ERC1: variants seen among roughly 807,000 people sequenced by gnomAD.
ERC1 encodes ELKS/RAB6-interacting/CAST family member 1.
Under a neutral mutation model 132.0 loss-of-function variants are expected in ERC1, and 56 were observed. The observed-to-expected ratio is 0.42, with a 90% CI of 0.34 to 0.53. ERC1 has a LOEUF of 0.53. Among genes scored for constraint, ERC1 ranks in the 20% least tolerant of loss-of-function variants. The pLI, the probability that ERC1 is intolerant of heterozygous loss-of-function variation, is 0.03. For missense variants in ERC1, 1,202 were observed against 1,349.9 expected, an observed-to-expected ratio of 0.89 and a Z score of 1.72; for synonymous variants, 478 against 476.1, an observed-to-expected ratio of 1.00 and a Z score of -0.05.
At chr12:1,264,518 G>T (rs2077354020) in intron 14 of ERC1, among the ~76,000 whole-genome samples, 1 of 152,048 alleles carries the variant, frequency 6.6e-6, no homozygotes, top group African/African-American at 2.4e-5. Flanking sequence ...CAAAAAATTA[G>T]CTGGGCGTGG....
intron 13 of ERC1, among the ~76,000 whole-genome samples, chr12:1,251,253 G>C (rs1042848428): frequency 6.6e-6 from 1 of 152,036 alleles, no homozygotes; most frequent in African/African-American, 2.4e-5. Context: ...GAAATAGTAT[G>C]TGATTTGTCA....
At chr12:1,104,077 T>C (rs765094246) in intron 3 of ERC1, among the ~76,000 whole-genome samples, 34 of 151,406 alleles carry the variant, frequency 2.2e-4, no homozygotes, top group Admixed American at 3.3e-4. Flanking sequence ...CCTGGAAGGC[T>C]CTGATATCCC....
chr12:1,204,742 T>C (rs995963370), intron 12 of ERC1, among the ~76,000 whole-genome samples: 1 of 152,088 alleles, frequency 6.6e-6, no homozygotes, highest in African/African-American at 2.4e-5. Context: ...TGGCCAGGTT[T>C]TGACTGAGAG....
At chr12:1,223,794 C>T (rs960801626) in intron 12 of ERC1, among the ~76,000 whole-genome samples, 3 of 152,092 alleles carry the variant, frequency 2.0e-5, no homozygotes, top group African/African-American at 7.2e-5. Flanking sequence ...CTAATTTGTC[C>T]TCTTCCTGCT....
intron 18 of ERC1, among the ~76,000 whole-genome samples, chr12:1,469,744 G>A (rs762102684): frequency 1.3e-4 from 20 of 152,170 alleles, no homozygotes; most frequent in Admixed American, 2.6e-4. Context: ...GCTTTAGGGG[G>A]CTGTGGGAAT....
intron 14 of ERC1, among the ~76,000 whole-genome samples, chr12:1,279,210 A>G (rs1008375127): frequency 6.6e-6 from 1 of 152,160 alleles, no homozygotes; most frequent in Admixed American, 6.5e-5. Context: ...TAACGACTGT[A>G]ACTTCCTCTA....
intron 17 of ERC1, among the ~76,000 whole-genome samples, chr12:1,409,122 G>A (rs933723100): frequency 6.6e-6 from 1 of 152,226 alleles, no homozygotes; most frequent in African/African-American, 2.4e-5. Context: ...GATGAAAGCA[G>A]CAATGGTATT....
intron 15 of ERC1, among the ~76,000 whole-genome samples, chr12:1,354,048 C>T (rs1269626872): frequency 6.6e-6 from 1 of 151,216 alleles, no homozygotes; most frequent in Non-Finnish European, 1.5e-5. Context: ...GCTGTGTGCC[C>T]CGCCTCTTAT....
At chr12:1,064,936 C>CATTA (rs1938797210) in intron 2 of ERC1, among the ~76,000 whole-genome samples, 1 of 152,212 alleles carries the variant, frequency 6.6e-6, no homozygotes, top group Non-Finnish European at 1.5e-5. Flanking sequence ...AATGGTGTCC[C>CATTA]ATATGCCATG....
intron 18 of ERC1, among the ~76,000 whole-genome samples, chr12:1,463,023 C>T (rs181041320): frequency 6.6e-6 from 1 of 152,286 alleles, no homozygotes; most frequent in African/African-American, 2.4e-5. Flanking sequence ...CTCTGTGGCT[C>T]ACTGAGCTTT....
chr12:1,217,597 A>T (rs1043777299), intron 12 of ERC1, among the ~76,000 whole-genome samples: 27 of 152,322 alleles, frequency 1.8e-4, no homozygotes, highest in African/African-American at 6.0e-4. Context: ...TGGAATGGTG[A>T]CACTGAAAGA....
chr12:1,240,294 A>G (rs1207667813), intron 13 of ERC1, among the ~76,000 whole-genome samples: 2 of 152,152 alleles, frequency 1.3e-5, no homozygotes, highest in African/African-American at 2.4e-5. Context: ...CCATTTTTTG[A>G]TAGTTTATTG....
rs1236898850 is a variant in ERC1, at chr12:1,001,947, G to A, written c.-157+10625G>A. Among the ~76,000 whole-genome samples, 7 of 140,444 alleles carry A rather than the reference G, an allele frequency of 5.0e-5. No individual in the cohort carries two copies. In the Admixed American group the frequency reaches 5.3e-4, roughly 11 times the overall value. 92.1% of individuals were successfully genotyped at this position (140,444 alleles called of 152,430 possible). ...GCAATCTCTGCTTACTGCAACCACC[G>A]TCTCCTGGGTTCAAGTGATTCTCCT... On this transcript the variant is annotated intron_variant, in intron 1 of 18. Coordinates refer to ENST00000360905, the MANE Select transcript of ERC1 (RefSeq NM_178040.4).
Position 1,233,269 on chromosome 12 carries a change from G to A in ERC1, c.2352-3500G>A, listed in dbSNP as rs528004262. On this transcript the variant is annotated intron_variant, in intron 12 of 18. Transcript: ENST00000360905. ...GTGGGTCACTTGAGGCCAGGAGTTT[G>A]AGACCAGCTTGGCCCACATGGTGAA... Among the ~76,000 whole-genome samples, 215 of 152,136 alleles carry A rather than the reference G, an allele frequency of 1.4e-3. 2 individuals are homozygous for A. Among genetic ancestry groups the A allele is most frequent in the Non-Finnish European group, 2.5e-3 (170 of 67,978 alleles).
chr12:1,180,444 C>T (rs753824722), intron 8 of ERC1, 96 bp from the exon 9 acceptor site: 2 of 1,145,618 alleles, frequency 1.7e-6, no homozygotes, highest in Non-Finnish European at 2.5e-6. Flanking sequence ...ACAGACAACC[C>T]TGAGCTATCT....
chr12:1,418,585 CTTTCTCTTTCTTTCTT>C lies in ERC1; in HGVS notation c.3024+10340_3024+10355del, dbSNP rs1453142260. On this transcript the variant is annotated intron_variant, in intron 17 of 18. Coordinates refer to ENST00000360905, the MANE Select transcript of ERC1 (RefSeq NM_178040.4). ...CTTCATTTTCTTTCTTTCTTTCTTT[CTTTCTCTTTCTTTCTT>C]TCTTTCTTTCTTTCTTTCTTTCTTT... Among the ~76,000 whole-genome samples the C allele has an allele frequency of 1.1e-3, 109 of 96,564 alleles. 1 individual carries two copies. The highest frequency in any genetic ancestry group is 4.0e-3 in the South Asian group (14 of 3,528). 63.3% of individuals were successfully genotyped at this position (96,564 alleles called of 152,430 possible). A position where few individuals can be genotyped will look rare whatever the true frequency, so the allele number is the denominator to read the frequency against.
chr12:1,212,306 G>C (rs562962190), intron 12 of ERC1, among the ~76,000 whole-genome samples: 1 of 151,774 alleles, frequency 6.6e-6, no homozygotes, highest in South Asian at 2.1e-4. Context: ...GTTTTTGTTC[G>C]TAGTTCTTCT....
chr12:1,097,955 T>A (rs908981170), intron 3 of ERC1, among the ~76,000 whole-genome samples: 1 of 152,202 alleles, frequency 6.6e-6, no homozygotes, highest in Non-Finnish European at 1.5e-5. Flanking sequence ...CCTCAAGTGA[T>A]CTGCCCGCCT....
intron 17 of ERC1, among the ~76,000 whole-genome samples, chr12:1,441,356 C>T (rs1037239976): frequency 2.0e-5 from 3 of 152,092 alleles, no homozygotes; most frequent in Admixed American, 6.5e-5. Flanking sequence ...CCACCGTGCC[C>T]GGCTGAAATT....
Sources: allele counts gnomAD v4.1 joint callset (sites outside exome capture counted in the v4.1 genomes callset), GRCh38; gene constraint gnomAD v4.1.1; transcripts MANE v1.5; gene names NCBI Gene and HGNC (gene_info 2026-07-23, HGNC 2026-07-21).